RAB43: variants seen among roughly 807,000 people sequenced by gnomAD.
RAB43 encodes the protein RAB43, member RAS oncogene family.
In RAB43, 6 loss-of-function variants were observed where a neutral mutation model predicts 18.8. The ratio of observed to expected loss-of-function variants is 0.32; its 90% CI spans 0.17 to 0.63. RAB43 has a LOEUF of 0.63. RAB43 is among the 30% of genes least tolerant of loss of function. The pLI, the probability that RAB43 is intolerant of heterozygous loss-of-function variation, is 0.79. For synonymous variants in RAB43, 103 were observed against 124.1 expected, an observed-to-expected ratio of 0.83 and a Z score of 1.13; for missense variants, 195 against 289.1, an observed-to-expected ratio of 0.67 and a Z score of 2.36.
rs1179807380 is a variant in RAB43 at position 129,102,598 on chromosome 3, C to G, written c.205-7429G>C. 5.9e-5 allele frequency among the ~76,000 whole-genome samples: 7 copies of G among 119,584 alleles called. No homozygotes were observed. The East Asian group carries it at 1.9e-3, about 33-fold the overall frequency. The allele number at this position is 119,584 out of a possible 152,430, so 78.5% of individuals were successfully genotyped here. On this transcript the variant is annotated intron_variant, in intron 1 of 2. Transcript: ENST00000315150. ...TGAGCCGAGATAGTGCCACTGCACT[C>G]CAGGCCTGGGTGACAGAGCGAGACT...
At chr3:129,109,710 C>T (rs1329398007) in intron 1 of RAB43, among the ~76,000 whole-genome samples, 1 of 151,222 alleles carries the variant, frequency 6.6e-6, no homozygotes, top group African/African-American at 2.4e-5. Flanking sequence ...CCACTGCACT[C>T]CAGCCCAGGC....
intron 1 of RAB43, among the ~76,000 whole-genome samples, chr3:129,110,360 A>G (rs192579983): frequency 1.9e-4 from 29 of 152,312 alleles, no homozygotes; most frequent in Middle Eastern, 3.4e-3. Flanking sequence ...CATTCATTCA[A>G]TAACCAAAAG....
chr3:129,098,898 C>A (rs991091285), intron 1 of RAB43, among the ~76,000 whole-genome samples: 9 of 152,066 alleles, frequency 5.9e-5, no homozygotes, highest in East Asian at 3.9e-4. Context: ...CATGGTAAAA[C>A]CCCATCTCTA....
At chr3:129,120,482 A>G (rs532648512) in intron 1 of RAB43, among the ~76,000 whole-genome samples, 1 of 152,362 alleles carries the variant, frequency 6.6e-6, no homozygotes, top group East Asian at 1.9e-4. Context: ...TCAGCCCAGG[A>G]TCTCCTGGTT....
chr3:129,109,539 C>G (rs1204221168), intron 1 of RAB43, among the ~76,000 whole-genome samples: 2 of 151,152 alleles, frequency 1.3e-5, no homozygotes, highest in African/African-American at 4.9e-5. Flanking sequence ...GAGTTCAAGA[C>G]CAGCCTGGCC....
chr3:129,096,823 A>T (rs1934085820), intron 1 of RAB43, among the ~76,000 whole-genome samples: 1 of 152,166 alleles, frequency 6.6e-6, no homozygotes, highest in South Asian at 2.1e-4. Flanking sequence ...AGAGAAAATA[A>T]AATTGAAAGC....
At chr3:129,096,299 C>G (rs186194491) in intron 1 of RAB43, among the ~76,000 whole-genome samples, 2 of 152,364 alleles carry the variant, frequency 1.3e-5, no homozygotes, top group South Asian at 2.1e-4. Flanking sequence ...AGCCCCAACA[C>G]AGAAGTCTGA....
At position 129,107,738 on chromosome 3, in the gene RAB43, C is replaced by T. The variant is rs1388778156; in HGVS notation, c.205-12569G>A. On this transcript the variant is annotated intron_variant, in intron 1 of 2. Coordinates refer to ENST00000315150, the MANE Select transcript of RAB43 (RefSeq NM_198490.3). The surrounding 1 kb of genome is among the most constrained non-coding windows in gnomAD (Gnocchi z 4.2). ...CTCTTTTCCCCAAATTCCTCCGCTG[C>T]AAGGGCCCAGGCACAAGGGATTCAG... 6.6e-6 allele frequency among the ~76,000 whole-genome samples: 1 copy of T among 152,180 alleles called. No homozygotes were observed. Among genetic ancestry groups the T allele is most frequent in the Non-Finnish European group, 1.5e-5 (1 of 68,032 alleles).
chr3:129,094,555 C>T (rs1221443774), intron 2 of RAB43, among the ~76,000 whole-genome samples: 1 of 111,560 alleles, frequency 9.0e-6, no homozygotes, highest in African/African-American at 3.3e-5. Context: ...TGCTCTGTCA[C>T]CCAGGTTGGA....
At chr3:129,114,882 G>A (rs140780207) in intron 1 of RAB43, among the ~76,000 whole-genome samples, 56 of 152,198 alleles carry the variant, frequency 3.7e-4, no homozygotes, top group African/African-American at 1.3e-3. Context: ...TGCCTTTATT[G>A]TCTTCACTTT....
chr3:129,104,566 G>C (rs900817705), intron 1 of RAB43, among the ~76,000 whole-genome samples: 3 of 152,224 alleles, frequency 2.0e-5, no homozygotes, highest in Non-Finnish European at 4.4e-5. Flanking sequence ...ACTCAGCAAG[G>C]GTTGGCAGGT....
chr3:129,106,070 C>T (rs1241006891), intron 1 of RAB43, among the ~76,000 whole-genome samples: 1 of 152,170 alleles, frequency 6.6e-6, no homozygotes, highest in South Asian at 2.1e-4. Context: ...TCCTAGTTCA[C>T]GTTCCCACTG....
At chr3:129,100,627 A>C (rs1934354395) in intron 1 of RAB43, among the ~76,000 whole-genome samples, 1 of 152,204 alleles carries the variant, frequency 6.6e-6, no homozygotes, top group Non-Finnish European at 1.5e-5. Flanking sequence ...TGTGGGCAGT[A>C]ATGGAGAAGA....
intron 1 of RAB43, among the ~76,000 whole-genome samples, chr3:129,102,352 C>T (rs1216527395): frequency 2.6e-5 from 4 of 152,128 alleles, no homozygotes; most frequent in African/African-American, 4.8e-5. Flanking sequence ...ATATCACAGC[C>T]AGGCATGGTG....
intron 1 of RAB43, among the ~76,000 whole-genome samples, chr3:129,103,965 C>T (rs1386210800): frequency 6.6e-6 from 1 of 152,202 alleles, no homozygotes; most frequent in Non-Finnish European, 1.5e-5. Context: ...CACACATGCA[C>T]ACACACTTTT....
intron 1 of RAB43, among the ~76,000 whole-genome samples, chr3:129,109,116 A>T (rs548526034): frequency 1.4e-4 from 21 of 152,322 alleles, no homozygotes; most frequent in African/African-American, 4.8e-4. Context: ...AATTTAAAAA[A>T]TCAGTGTCAT....
intron 2 of RAB43, among the ~76,000 whole-genome samples, chr3:129,093,171 A>G (rs1161910141): frequency 2.6e-5 from 4 of 151,572 alleles, no homozygotes; most frequent in African/African-American, 9.7e-5. Context: ...TTGTATTTTT[A>G]GTAGAGATGG....
Position 129,107,812 on chromosome 3 carries a change from C to T in RAB43, c.205-12643G>A, listed in dbSNP as rs925938204. Among the ~76,000 whole-genome samples the T allele has an allele frequency of 6.6e-6, 1 of 152,186 alleles. No individual in the cohort carries two copies. The highest frequency in any genetic ancestry group is 2.4e-5 in the African/African-American group (1 of 41,456). On this transcript the variant is annotated intron_variant, in intron 1 of 2. Transcript: ENST00000315150. The surrounding 1 kb of genome is among the most constrained non-coding windows in gnomAD (Gnocchi z 4.2). The stretch of plus-strand genomic sequence containing the variant: ...AACCCCAACCCTCAAACCATCCCTC[C>T]AGTTCCCTGCTACTTTGGTCATCAA...
At chr3:129,118,190 G>C (rs1424487389) in intron 1 of RAB43, among the ~76,000 whole-genome samples, 2 of 152,184 alleles carry the variant, frequency 1.3e-5, no homozygotes, top group Admixed American at 6.5e-5. Flanking sequence ...TGAAGGGCTA[G>C]TGAAGCTGGA....
Sources: allele counts gnomAD v4.1 joint callset (sites outside exome capture counted in the v4.1 genomes callset), GRCh38; gene constraint gnomAD v4.1.1; non-coding constraint Gnocchi (gnomAD v3.1); transcripts MANE v1.5; gene names NCBI Gene and HGNC (gene_info 2026-07-23, HGNC 2026-07-21).